The following CHRM5 variants were observed in gnomAD, a reference collection of about 807,000 sequenced individuals.
CHRM5 encodes the protein cholinergic receptor muscarinic 5, also known as muscarinic acetylcholine receptor M5.
Under a neutral mutation model 39.0 loss-of-function variants are expected in CHRM5, and 18 were observed. That is an observed-to-expected ratio of 0.46 (90% CI 0.32 to 0.68). The LOEUF is 0.68. Ranked by LOEUF, CHRM5 falls within the 30% of genes least tolerant of loss-of-function variation. CHRM5 has a pLI of 0.04. For missense variants in CHRM5, 515 were observed against 651.1 expected (o/e 0.79, Z 2.28); for synonymous variants, 241 against 246.3 (o/e 0.98, Z 0.20).
rs1900510484 is a variant in CHRM5 at position 34,066,351 on chromosome 15, T to G, written c.*2035T>G. On this transcript the variant is annotated 3_prime_UTR_variant, in exon 3 of 3. Coordinates refer to ENST00000383263, the MANE Select transcript of CHRM5 (RefSeq NM_012125.4). ...AAACCCCTTCATGAGAATAGGCTTTTAAGCCCATGTTGGGCATTCACCATT... is the reference window on the plus strand; with the variant it reads ...AAACCCCTTCATGAGAATAGGCTTTGAAGCCCATGTTGGGCATTCACCATT... 1 of 152,274 alleles carries G rather than the reference T, an allele frequency of 6.6e-6. No homozygotes were observed. The highest frequency in any genetic ancestry group is 1.5e-5 in the Non-Finnish European group (1 of 68,050). 9.4% of individuals were successfully genotyped at this position (152,274 alleles called of 1,614,324 possible). A position where few individuals can be genotyped will look rare whatever the true frequency, so the allele number is the denominator to read the frequency against.
chr15:34,020,043 G>A (rs1454023765), intron 1 of CHRM5, among the ~76,000 whole-genome samples: 1 of 152,182 alleles, frequency 6.6e-6, no homozygotes, highest in Admixed American at 6.5e-5. Flanking sequence ...TGGGCGCAGT[G>A]GTTCACACCT....
chr15:34,003,096 C>T lies in CHRM5; in HGVS notation c.-408+33946C>T, dbSNP rs202188583. ...GTGACTCTCCACTTTCATTATTGACCTCTTTTTCAATATCTTGATATCGAT... is the reference window on the plus strand; with the variant it reads ...GTGACTCTCCACTTTCATTATTGACTTCTTTTTCAATATCTTGATATCGAT... On this transcript the variant is annotated intron_variant, in intron 1 of 2. Coordinates refer to ENST00000383263, the MANE Select transcript of CHRM5 (RefSeq NM_012125.4). The T allele has an allele frequency of 2.5e-6, 4 of 1,613,874 alleles. No individual in the cohort carries two copies. The Admixed American group carries it at 5.0e-5, about 20-fold the overall frequency.
rs186645994 is a variant in CHRM5 at position 34,008,436 on chromosome 15, A to G, written c.-407-38104A>G. Among the ~76,000 whole-genome samples the G allele has an allele frequency of 3.7e-3, 554 of 151,574 alleles. 7 individuals carry two copies. Among genetic ancestry groups the G allele is most frequent in the African/African-American group, 0.013 (525 of 41,266 alleles). On this transcript the variant is annotated intron_variant, in intron 1 of 2. Transcript: ENST00000383263. ...CCGTGTCTCTTAAAAAGAAAAAAAA[A>G]AAGAAGAAAAATAATGCCTGAAAAC...
At chr15:34,052,921 C>T (rs1001606069) in intron 2 of CHRM5, among the ~76,000 whole-genome samples, 2 of 151,988 alleles carry the variant, frequency 1.3e-5, no homozygotes, top group Non-Finnish European at 2.9e-5. Flanking sequence ...TCATACTGCC[C>T]AAAGTAGTTT....
chr15:34,063,780 G>C lies in CHRM5; in HGVS notation c.1063G>C (p.Asp355His), dbSNP rs750302868. Residue 355 changes from aspartate (D) to histidine (H), a missense_variant, in exon 3 of 3, where the codon GAC (aspartate) becomes CAC (histidine). Physicochemically the swap from Asp to His is moderately conservative, Grantham distance 81. Transcript: ENST00000383263. The surrounding 1 kb of genome is among the most constrained non-coding windows in gnomAD (Gnocchi z 4.1). ...TFVKAETEKS[D>H]YDTPNYLLSP... ...TGTGAAAGCTGAAACTGAAAAAAGT[G>C]ACTATGACACCCCAAACTACCTTCT... The C allele has an allele frequency of 1.9e-6, 3 of 1,614,076 alleles. No individual in the cohort carries two copies. The highest frequency in any genetic ancestry group is 2.5e-6 in the Non-Finnish European group (3 of 1,180,050).
intron 1 of CHRM5, among the ~76,000 whole-genome samples, chr15:33,983,190 GTA>G (rs781286612): frequency 0.11 from 11,847 of 110,410 alleles, 715 homozygotes; most frequent in South Asian, 0.29. Context: ...ACACGTGTGT[GTA>G]TGTGTGTGTA....
chr15:34,036,105 T>TG (rs1024956550), intron 1 of CHRM5, among the ~76,000 whole-genome samples: 2 of 108,822 alleles, frequency 1.8e-5, no homozygotes, highest in Non-Finnish European at 4.5e-5. Flanking sequence ...CAGTTTTGTG[T>TG]TTTTTTTTTA....
At chr15:33,995,013 G>T (rs1827529496) in intron 1 of CHRM5, among the ~76,000 whole-genome samples, 1 of 152,162 alleles carries the variant, frequency 6.6e-6, no homozygotes, top group South Asian at 2.1e-4. Flanking sequence ...TGTAATCTCA[G>T]CACTTTGGGA....
rs1900497546 is a variant in CHRM5 at position 34,065,894 on chromosome 15, G to C, written c.*1578G>C. On this transcript the variant is annotated 3_prime_UTR_variant, in exon 3 of 3. Coordinates refer to ENST00000383263, the MANE Select transcript of CHRM5 (RefSeq NM_012125.4). ...CCAGACTTCATGCGTCTTAGTGTAG[G>C]CCGGGTCCTTTTCAGTCTCATTTGC... The C allele has an allele frequency of 1.3e-5, 2 of 152,000 alleles. No homozygotes were observed. The highest frequency in any genetic ancestry group is 2.9e-5 in the Non-Finnish European group (2 of 68,014). The allele number at this position is 152,000 out of a possible 1,614,324, so 9.4% of individuals were successfully genotyped here.
chr15:34,012,290 T>C (rs1353457991), intron 1 of CHRM5, among the ~76,000 whole-genome samples: 1 of 151,382 alleles, frequency 6.6e-6, no homozygotes. Flanking sequence ...ACACACACAA[T>C]AAGTAGTGAC....
chr15:34,036,631 A>G (rs1399152760), intron 1 of CHRM5, among the ~76,000 whole-genome samples: 1 of 152,212 alleles, frequency 6.6e-6, no homozygotes, highest in African/African-American at 2.4e-5. Context: ...AGAGATGACC[A>G]ATCCAAACCA....
intron 1 of CHRM5, among the ~76,000 whole-genome samples, chr15:33,987,500 C>T (rs1023443107): frequency 5.9e-5 from 9 of 152,290 alleles, no homozygotes; most frequent in African/African-American, 1.9e-4. Flanking sequence ...TCAGATTACG[C>T]TCCACTCTCC....
rs756324643 is a variant in CHRM5, at chr15:34,062,684, C to G, written c.-34C>G. On this transcript the variant is annotated 5_prime_UTR_variant, in exon 3 of 3. Coordinates refer to ENST00000383263, the MANE Select transcript of CHRM5 (RefSeq NM_012125.4). ...GCTGAAATAGAAAACAGCCTAGAAC[C>G]TAACACTATTTACTGTAAAATTTTT... The G allele has an allele frequency of 6.3e-7, 1 of 1,576,692 alleles. No homozygotes were observed. The highest frequency in any genetic ancestry group is 1.2e-5 in the South Asian group (1 of 83,382).
chr15:34,046,509 C>G (rs749267430), intron 1 of CHRM5, 31 bp from the exon 2 acceptor site: 3 of 152,106 alleles, frequency 2.0e-5, no homozygotes, highest in African/African-American at 4.8e-5. Context: ...ATTTAACAGC[C>G]CCTTTGTGAA....
At chr15:34,039,022 C>T in intron 1 of CHRM5, 1 of 1,123,164 alleles carries the variant, frequency 8.9e-7, no homozygotes, top group Non-Finnish European at 1.1e-6. Context: ...CCACGGCCTC[C>T]CCGAGCTCCT....
chr15:33,983,146 G>A (rs12594950), intron 1 of CHRM5, among the ~76,000 whole-genome samples: 13,218 of 115,232 alleles, frequency 0.11, 781 homozygotes, highest in South Asian at 0.28. Context: ...GTGTGTGTGT[G>A]TGTGTGTGTG....
intron 1 of CHRM5, chr15:34,039,039 G>A: frequency 2.7e-6 from 3 of 1,110,542 alleles, no homozygotes; most frequent in Non-Finnish European, 3.3e-6. Context: ...TCCTCGCTCC[G>A]CCTGCATCTG....
At chr15:33,976,417 A>G (rs144099293) in intron 1 of CHRM5, among the ~76,000 whole-genome samples, 54 of 152,296 alleles carry the variant, frequency 3.5e-4, no homozygotes, top group African/African-American at 1.2e-3. Context: ...TTCAATTTTA[A>G]GTAGAGTTAT....
chr15:33,987,704 G>C (rs1896538902), intron 1 of CHRM5, among the ~76,000 whole-genome samples: 1 of 152,036 alleles, frequency 6.6e-6, no homozygotes, highest in African/African-American at 2.4e-5. Context: ...TTCTCTCTTT[G>C]GGCTTTTGTT....
Sources: gnomAD v4.1 joint callset for allele counts (sites outside exome capture counted in the v4.1 genomes callset) on GRCh38, gnomAD v4.1.1 for gene constraint, Gnocchi (gnomAD v3.1) non-coding constraint, MANE v1.5 for transcripts, NCBI Gene and HGNC (gene_info 2026-07-23, HGNC 2026-07-21) for gene names.